OLFM3: variants seen among roughly 807,000 people sequenced by gnomAD.
OLFM3 encodes olfactomedin 3.
In OLFM3, 20 loss-of-function variants were observed where a neutral mutation model predicts 48.6. The observed-to-expected ratio is 0.41, with a 90% CI of 0.29 to 0.60. The LOEUF (loss-of-function observed/expected upper bound fraction) is 0.60. Among genes scored for constraint, OLFM3 ranks in the 20% least tolerant of loss-of-function variants. The pLI, the probability that OLFM3 is intolerant of heterozygous loss-of-function variation, is 0.28. For missense variants in OLFM3, 437 were observed against 544.3 expected (o/e 0.80, Z 1.96); for synonymous variants, 222 against 198.1 (o/e 1.12, Z -1.01).
intron 4 of OLFM3, among the ~76,000 whole-genome samples, chr1:101,819,673 C>A (rs1238225971): frequency 6.6e-6 from 1 of 151,646 alleles, no homozygotes; most frequent in African/African-American, 2.4e-5. Flanking sequence ...GATGGTGGTT[C>A]TAGTCATTAA....
chr1:101,994,442 A>G (rs2101126128), intron 1 of OLFM3, among the ~76,000 whole-genome samples: 1 of 150,708 alleles, frequency 6.6e-6, no homozygotes, highest in East Asian at 1.9e-4. Flanking sequence ...AATTTGCTTT[A>G]TGAATCCTGA....
At position 101,872,520 on chromosome 1, in the gene OLFM3, CAA is replaced by C. The variant is rs1274290975; in HGVS notation, c.70-35497_70-35496del. Among the ~76,000 whole-genome samples the C allele has an allele frequency of 7.2e-5, 11 of 151,938 alleles. No homozygotes were observed. In the East Asian group the frequency reaches 2.1e-3, roughly 29 times the overall value. On this transcript the variant is annotated intron_variant, in intron 1 of 5. Coordinates refer to ENST00000370103, the MANE Select transcript of OLFM3 (RefSeq NM_058170.4). ...CTTTTCCTTAGAGGGGATTTGTTTT[CAA>C]AATAAAAATTATAGCTTACTTTTCA...
At chr1:101,978,119 A>C (rs1457347149) in intron 1 of OLFM3, among the ~76,000 whole-genome samples, 1 of 152,072 alleles carries the variant, frequency 6.6e-6, no homozygotes, top group Non-Finnish European at 1.5e-5. Flanking sequence ...GATTCTGTTC[A>C]AAATGTTATG....
chr1:101,828,890 G>C (rs1178647447), intron 3 of OLFM3, among the ~76,000 whole-genome samples: 1 of 152,144 alleles, frequency 6.6e-6, no homozygotes, highest in Non-Finnish European at 1.5e-5. Flanking sequence ...CTCTAACCCT[G>C]AGAATTGAAA....
intron 2 of OLFM3, among the ~76,000 whole-genome samples, chr1:101,832,981 G>T (rs940522346): frequency 1.5e-4 from 23 of 152,164 alleles, no homozygotes; most frequent in East Asian, 9.7e-4. Context: ...ATAAGGAAAA[G>T]CCATTTGCAT....
At chr1:101,965,444 G>T (rs1267446468) in intron 1 of OLFM3, among the ~76,000 whole-genome samples, 1 of 152,176 alleles carries the variant, frequency 6.6e-6, no homozygotes, top group Non-Finnish European at 1.5e-5. Context: ...GTAAAAGAAT[G>T]TCAGAGGTTT....
At chr1:101,823,301 C>T (rs1442017767) in intron 4 of OLFM3, among the ~76,000 whole-genome samples, 1 of 152,014 alleles carries the variant, frequency 6.6e-6, no homozygotes, top group East Asian at 1.9e-4. Context: ...AGCGAGGACA[C>T]CAGCTTAGTC....
intron 1 of OLFM3, among the ~76,000 whole-genome samples, chr1:101,890,096 A>C (rs1285537412): frequency 1.3e-5 from 2 of 152,080 alleles, no homozygotes; most frequent in Admixed American, 6.6e-5. Flanking sequence ...CCTTTTAATG[A>C]TCTTGGAAAA....
intron 1 of OLFM3, chr1:101,909,966 C>T (rs2101027038): frequency 1.0e-6 from 1 of 985,296 alleles, no homozygotes; most frequent in Non-Finnish European, 1.2e-6. Flanking sequence ...CTTCAAGGTA[C>T]CACATAAGCA....
chr1:101,932,718 G>A (rs1299850114), intron 1 of OLFM3, among the ~76,000 whole-genome samples: 4 of 152,170 alleles, frequency 2.6e-5, no homozygotes, highest in Non-Finnish European at 4.4e-5. Context: ...CAAAGAACCA[G>A]CATAATAACT....
At chr1:101,877,408 A>T (rs1359108023) in intron 1 of OLFM3, among the ~76,000 whole-genome samples, 1 of 152,006 alleles carries the variant, frequency 6.6e-6, no homozygotes, top group East Asian at 1.9e-4. Flanking sequence ...AATCCAGAAC[A>T]TGAATTTCAT....
chr1:101,966,072 AGTT>A (rs903700597), intron 1 of OLFM3, among the ~76,000 whole-genome samples: 1 of 152,112 alleles, frequency 6.6e-6, no homozygotes, highest in Admixed American at 6.6e-5. Context: ...TTGGGATAGC[AGTT>A]GTTCTCTTCT....
In OLFM3 at chr1:101,942,099, A is replaced by G. The variant is rs79658191; in HGVS notation, c.69+54649T>C. Reference sequence around the variant, plus strand: ...GGATTCTAATTACAACTGTCTAGCTATAAGTATAAAAGCCCAGAGTGCATC... The same window carrying G: ...GGATTCTAATTACAACTGTCTAGCTGTAAGTATAAAAGCCCAGAGTGCATC... On this transcript the variant is annotated intron_variant, in intron 1 of 5. Coordinates refer to ENST00000370103, the MANE Select transcript of OLFM3 (RefSeq NM_058170.4). Among the ~76,000 whole-genome samples, 46 of 152,340 alleles carry G rather than the reference A, an allele frequency of 3.0e-4. No homozygotes were observed. In the East Asian group the frequency reaches 3.9e-3, roughly 13 times the overall value.
chr1:101,868,782 T>G (rs1656957899), intron 1 of OLFM3, among the ~76,000 whole-genome samples: 1 of 152,222 alleles, frequency 6.6e-6, no homozygotes. Flanking sequence ...CCCTTCTGTA[T>G]GCAGCCTTGG....
At chr1:101,921,972 T>C (rs1206923490) in intron 1 of OLFM3, among the ~76,000 whole-genome samples, 1 of 151,984 alleles carries the variant, frequency 6.6e-6, no homozygotes, top group Non-Finnish European at 1.5e-5. Context: ...GGCAGAAGAA[T>C]GGCTTGAACC....
At chr1:101,990,077 T>A (rs543195838) in intron 1 of OLFM3, among the ~76,000 whole-genome samples, 4 of 152,346 alleles carry the variant, frequency 2.6e-5, no homozygotes, top group Non-Finnish European at 5.9e-5. Flanking sequence ...TTCTCCATGA[T>A]TAGTTTAAAA....
intron 1 of OLFM3, among the ~76,000 whole-genome samples, chr1:101,887,572 T>G (rs1388129319): frequency 6.6e-6 from 1 of 152,044 alleles, no homozygotes; most frequent in Non-Finnish European, 1.5e-5. Context: ...GAACAGGCAG[T>G]CTGTTATGCA....
At position 101,906,682 on chromosome 1, in the gene OLFM3, C is replaced by T. The variant is rs372998365; in HGVS notation, c.70-69657G>A. 6.8e-4 allele frequency among the ~76,000 whole-genome samples: 104 copies of T among 152,224 alleles called. No homozygotes were observed. In the South Asian group the frequency reaches 0.02, roughly 29 times the overall value. On this transcript the variant is annotated intron_variant, in intron 1 of 5. Coordinates refer to ENST00000370103, the MANE Select transcript of OLFM3 (RefSeq NM_058170.4). The stretch of plus-strand genomic sequence containing the variant: ...AGTATCACTCTTTTATCCTAAGCAA[C>T]GGCAGTCTGTAGATGAAGATTACAC...
At chr1:101,950,919 T>A (rs985507377) in intron 1 of OLFM3, among the ~76,000 whole-genome samples, 1 of 152,224 alleles carries the variant, frequency 6.6e-6, no homozygotes. Flanking sequence ...TGCCACTTAC[T>A]GCAAACATGG....
Sources: gnomAD v4.1 joint callset for allele counts (sites outside exome capture counted in the v4.1 genomes callset) on GRCh38, gnomAD v4.1.1 for gene constraint, MANE v1.5 for transcripts, NCBI Gene and HGNC (gene_info 2026-07-23, HGNC 2026-07-21) for gene names.